The following RIMS1 variants were observed in gnomAD, a reference collection of about 807,000 sequenced individuals.
RIMS1 encodes regulating synaptic membrane exocytosis protein 1.
Under a neutral mutation model 214.1 loss-of-function variants are expected in RIMS1, and 83 were observed. That is an observed-to-expected ratio of 0.39 (90% CI 0.32 to 0.47). RIMS1 has a LOEUF of 0.47. Among genes scored for constraint, RIMS1 ranks in the 20% least tolerant of loss-of-function variants. The probability of loss-of-function intolerance (pLI) is 0.99; values close to 1 mark genes in which losing one functional copy is unlikely to be tolerated. For missense variants in RIMS1, 2,050 were observed against 2,161.8 expected, an observed-to-expected ratio of 0.95 and a Z score of 1.03; for synonymous variants, 793 against 786.8, an observed-to-expected ratio of 1.01 and a Z score of -0.13.
chr6:72,057,961 A>G (rs1425768560), intron 2 of RIMS1, among the ~76,000 whole-genome samples: 1 of 152,242 alleles, frequency 6.6e-6, no homozygotes, highest in Non-Finnish European at 1.5e-5. Flanking sequence ...ATATCCACCC[A>G]TGTAGAGGCT....
intron 2 of RIMS1, among the ~76,000 whole-genome samples, chr6:72,074,357 C>A (rs60901181): frequency 1.1e-3 from 174 of 152,232 alleles, no homozygotes; most frequent in African/African-American, 4.1e-3. Flanking sequence ...AAATGTAGGT[C>A]TGACTTATTG....
At chr6:72,390,796 A>C in intron 30 of RIMS1, 60 bp downstream of exon 30, 1 of 1,569,498 alleles carries the variant, frequency 6.4e-7, no homozygotes, top group South Asian at 1.2e-5. Context: ...CTAATCAGTA[A>C]GATAACAAAG....
At chr6:71,994,802 A>C (rs573827505) in intron 2 of RIMS1, among the ~76,000 whole-genome samples, 22 of 152,302 alleles carry the variant, frequency 1.4e-4, no homozygotes, top group Admixed American at 4.6e-4. Context: ...CCCTTAAATT[A>C]TGTTTGTTGC....
At chr6:72,194,372 A>G (rs1264621868) in intron 6 of RIMS1, among the ~76,000 whole-genome samples, 2 of 152,140 alleles carry the variant, frequency 1.3e-5, no homozygotes, top group East Asian at 1.9e-4. Context: ...TATGGTAACT[A>G]CTTAATATAT....
At chr6:72,206,814 A>T (rs1398070809) in intron 6 of RIMS1, among the ~76,000 whole-genome samples, 1 of 152,212 alleles carries the variant, frequency 6.6e-6, no homozygotes, top group Non-Finnish European at 1.5e-5. Context: ...CTGGCAGGAC[A>T]GGACATTGCA....
In RIMS1 at chr6:72,205,862, G is replaced by A. The variant is rs183854640; in HGVS notation, c.1678+22713G>A. On this transcript the variant is annotated intron_variant, in intron 6 of 33. Coordinates refer to ENST00000521978, the MANE Select transcript of RIMS1 (RefSeq NM_014989.7). ...AAAGCACTGATTATAGGAATATTGT[G>A]TAGCCATGAAAATCTTGTTATATAT... Among the ~76,000 whole-genome samples the A allele has an allele frequency of 1.9e-4, 29 of 152,116 alleles. 1 individual carries two copies. The highest frequency in any genetic ancestry group is 1.9e-3 in the Admixed American group (29 of 15,298).
intron 1 of RIMS1, among the ~76,000 whole-genome samples, chr6:71,914,132 T>C (rs1272732535): frequency 1.3e-5 from 2 of 152,294 alleles, no homozygotes; most frequent in Non-Finnish European, 2.9e-5. Context: ...TTTCCCTTCA[T>C]CTATGAGAGT....
Position 72,361,099 on chromosome 6 carries a change from T to G in RIMS1, c.4366+27264T>G, listed in dbSNP as rs1316300302. On this transcript the variant is annotated intron_variant, in intron 29 of 33. Transcript: ENST00000521978. The stretch of plus-strand genomic sequence containing the variant: ...CTGTAGGAACGGGTCTTTCTTTCTT[T>G]TTTTTTTTTTTTTTTTTTTTTTTTT... Among the ~76,000 whole-genome samples, 68 of 94,962 alleles carry G rather than the reference T, an allele frequency of 7.2e-4. 1 individual carries two copies. The highest frequency in any genetic ancestry group is 2.5e-3 in the African/African-American group (66 of 25,948). 62.3% of individuals were successfully genotyped at this position (94,962 alleles called of 152,430 possible). A position where few individuals can be genotyped will look rare whatever the true frequency, so the allele number is the denominator to read the frequency against.
intron 1 of RIMS1, among the ~76,000 whole-genome samples, chr6:71,903,861 A>G (rs1774499081): frequency 6.6e-6 from 1 of 152,122 alleles, no homozygotes; most frequent in African/African-American, 2.4e-5. Flanking sequence ...GACAAAAGAA[A>G]GATATTTCCA....
At chr6:71,984,942 C>T (rs899547816) in intron 2 of RIMS1, among the ~76,000 whole-genome samples, 3 of 152,112 alleles carry the variant, frequency 2.0e-5, no homozygotes, top group Non-Finnish European at 2.9e-5. Flanking sequence ...ACTCTTCCTC[C>T]TTCACACAAG....
chr6:71,945,877 G>A (rs1787655594), intron 1 of RIMS1, among the ~76,000 whole-genome samples: 1 of 151,676 alleles, frequency 6.6e-6, no homozygotes, highest in South Asian at 2.1e-4. Context: ...AGCCTCCCAA[G>A]TAGCTGAGAT....
intron 1 of RIMS1, among the ~76,000 whole-genome samples, chr6:71,940,222 T>C (rs1039545089): frequency 6.6e-6 from 1 of 152,196 alleles, no homozygotes; most frequent in Non-Finnish European, 1.5e-5. Context: ...CTGTTCTTGC[T>C]CCTTTCACAA....
chr6:72,057,226 G>A (rs563710605), intron 2 of RIMS1, among the ~76,000 whole-genome samples: 2 of 152,256 alleles, frequency 1.3e-5, no homozygotes, highest in South Asian at 2.1e-4. Flanking sequence ...GGTGGATTTC[G>A]TTTGTTGCTG....
In RIMS1 at chr6:72,225,822, C is replaced by G. The variant is rs367842434; in HGVS notation, c.1679-7951C>G. Among the ~76,000 whole-genome samples the G allele has an allele frequency of 1.7e-3, 262 of 152,260 alleles. 2 individuals carry two copies. Among genetic ancestry groups the G allele is most frequent in the African/African-American group, 6.2e-3 (256 of 41,546 alleles). On this transcript the variant is annotated intron_variant, in intron 6 of 33. Transcript: ENST00000521978. ...TTTATGAAGAGTCATTGTGTTGAAA[C>G]AAAACAAGTATCCCTAAGATTGTCA...
intron 2 of RIMS1, among the ~76,000 whole-genome samples, chr6:71,974,153 G>A (rs890082907): frequency 1.3e-5 from 2 of 152,180 alleles, no homozygotes; most frequent in African/African-American, 4.8e-5. Flanking sequence ...ACTGGCAGCT[G>A]TGCCAATGGT....
chr6:72,039,320 A>T (rs1348053090), intron 2 of RIMS1, among the ~76,000 whole-genome samples: 1 of 152,186 alleles, frequency 6.6e-6, no homozygotes, highest in Non-Finnish European at 1.5e-5. Flanking sequence ...AGCAAAAAAT[A>T]TGAGGCATAT....
chr6:72,089,588 C>T (rs1321552900), intron 2 of RIMS1, among the ~76,000 whole-genome samples: 2 of 152,064 alleles, frequency 1.3e-5, no homozygotes, highest in Non-Finnish European at 2.9e-5. Flanking sequence ...GCTGGGTCTA[C>T]AGACATGCAC....
intron 2 of RIMS1, among the ~76,000 whole-genome samples, chr6:72,003,128 C>T (rs1377856454): frequency 6.6e-6 from 1 of 152,130 alleles, no homozygotes; most frequent in Non-Finnish European, 1.5e-5. Context: ...CTCAAAATAA[C>T]ACTTAGGGTG....
At chr6:72,361,143 C>G (rs1398623310) in intron 29 of RIMS1, among the ~76,000 whole-genome samples, 2 of 106,748 alleles carry the variant, frequency 1.9e-5, no homozygotes, top group African/African-American at 7.4e-5. Context: ...GATTCTCACT[C>G]TGTTGCCCAG....
Sources: gnomAD v4.1 joint callset for allele counts (sites outside exome capture counted in the v4.1 genomes callset) on GRCh38, gnomAD v4.1.1 for gene constraint, MANE v1.5 for transcripts, NCBI Gene and HGNC (gene_info 2026-07-23, HGNC 2026-07-21) for gene names.